Variants in AHI1 observed in about 807,000 individuals in gnomAD.
The protein encoded by AHI1 is Abelson helper integration site 1.
AHI1 carries 123 observed loss-of-function variants against 149.3 expected under a neutral mutation model. That is an observed-to-expected ratio of 0.82 (90% CI 0.71 to 0.96). The LOEUF (loss-of-function observed/expected upper bound fraction) is 0.96, where lower values mean the gene tolerates loss of function less well. Among genes scored for constraint, AHI1 ranks in the 40% least tolerant of loss-of-function variants. AHI1 has a pLI of 0.00. For synonymous variants in AHI1, 475 were observed against 459.8 expected (o/e 1.03, Z -0.42); for missense variants, 1,439 against 1,422.7 (o/e 1.01, Z -0.18).
chr6:135,352,949 T>C (rs891237847), intron 24 of AHI1, among the ~76,000 whole-genome samples: 2 of 151,796 alleles, frequency 1.3e-5, no homozygotes, highest in Non-Finnish European at 2.9e-5. Context: ...GCTGCTGTTA[T>C]ATCTTCCAGT....
intron 9 of AHI1, 93 bp from the exon 10 acceptor site, chr6:135,456,019 A>C (rs1304627322): frequency 1.3e-6 from 1 of 789,570 alleles, no homozygotes; most frequent in Non-Finnish European, 1.8e-6. Flanking sequence ...AACCAGAAAT[A>C]ATGAATAGTC....
intron 23 of AHI1, among the ~76,000 whole-genome samples, chr6:135,366,157 T>G (rs1360461360): frequency 6.6e-6 from 1 of 152,226 alleles, no homozygotes; most frequent in African/African-American, 2.4e-5. Context: ...TACATTATCT[T>G]TTTGATATGC....
chr6:135,480,063 ATC>A (rs1258819219), intron 5 of AHI1, among the ~76,000 whole-genome samples: 3 of 152,142 alleles, frequency 2.0e-5, no homozygotes, highest in South Asian at 2.1e-4. Flanking sequence ...AGGTGACTAA[ATC>A]TCTTTTTTTC....
chr6:135,488,211 T>G (rs1794751884), intron 5 of AHI1, among the ~76,000 whole-genome samples: 1 of 152,226 alleles, frequency 6.6e-6, no homozygotes, highest in Admixed American at 6.5e-5. Context: ...ACTCATCTCT[T>G]CAGAAATCTC....
At chr6:135,474,979 T>C (rs1398158328) in intron 5 of AHI1, among the ~76,000 whole-genome samples, 2 of 152,254 alleles carry the variant, frequency 1.3e-5, no homozygotes, top group African/African-American at 4.8e-5. Flanking sequence ...CTGTATAGAA[T>C]TGGCATTATT....
chr6:135,303,491 C>A (rs1784146500), intron 26 of AHI1, among the ~76,000 whole-genome samples: 1 of 151,008 alleles, frequency 6.6e-6, no homozygotes, highest in Non-Finnish European at 1.5e-5. Flanking sequence ...TGGTTCAATT[C>A]TTGTCTTGGT....
chr6:135,442,431 A>G, intron 14 of AHI1, 151 bp downstream of exon 14: 2 of 815,932 alleles, frequency 2.5e-6, no homozygotes, highest in South Asian at 8.4e-5. Flanking sequence ...AAATTATTAC[A>G]AAAGAACTTT....
intron 20 of AHI1, among the ~76,000 whole-genome samples, chr6:135,425,395 G>A (rs1783783153): frequency 6.6e-6 from 1 of 151,788 alleles, no homozygotes; most frequent in Admixed American, 6.6e-5. Flanking sequence ...GAGTAAAAGA[G>A]AGGAGAAAAA....
chr6:135,376,447 CA>C (rs1179422208), intron 23 of AHI1, among the ~76,000 whole-genome samples: 1 of 152,166 alleles, frequency 6.6e-6, no homozygotes, highest in East Asian at 1.9e-4. Flanking sequence ...AAAAGTGGGA[CA>C]AGCTGACATG....
chr6:135,446,954 T>C, intron 13 of AHI1, 54 bp downstream of exon 13: 1 of 1,532,924 alleles, frequency 6.5e-7, no homozygotes, highest in Non-Finnish European at 8.8e-7. Flanking sequence ...TTATTGGAGT[T>C]TTTAAGGTAA....
At chr6:135,359,664 T>C (rs917801152) in intron 23 of AHI1, among the ~76,000 whole-genome samples, 9 of 152,196 alleles carry the variant, frequency 5.9e-5, no homozygotes, top group African/African-American at 2.2e-4. Context: ...GCATGGCAAC[T>C]GGCTTTCAAA....
At chr6:135,405,550 T>A (rs1780637747) in intron 21 of AHI1, among the ~76,000 whole-genome samples, 1 of 151,996 alleles carries the variant, frequency 6.6e-6, no homozygotes, top group Non-Finnish European at 1.5e-5. Context: ...AATCTGCTGC[T>A]AAGGAGAGAG....
At chr6:135,458,309 A>C (rs1216641971) in intron 8 of AHI1, among the ~76,000 whole-genome samples, 2 of 152,178 alleles carry the variant, frequency 1.3e-5, no homozygotes, top group African/African-American at 4.8e-5. Flanking sequence ...GCAGAAAGTC[A>C]CTGCCAGGAG....
intron 5 of AHI1, among the ~76,000 whole-genome samples, chr6:135,480,854 T>C (rs186226836): frequency 2.0e-5 from 3 of 152,304 alleles, no homozygotes; most frequent in Admixed American, 2.0e-4. Context: ...CAGCATTAGA[T>C]TCTCATAGGA....
chr6:135,376,626 A>G (rs575009841), intron 23 of AHI1, among the ~76,000 whole-genome samples: 6 of 152,158 alleles, frequency 3.9e-5, no homozygotes, highest in East Asian at 1.9e-4. Flanking sequence ...GCTCACGCCT[A>G]TAATCCCAGC....
chr6:135,471,351 T>C (rs1445717103), intron 5 of AHI1, among the ~76,000 whole-genome samples: 1 of 152,180 alleles, frequency 6.6e-6, no homozygotes, highest in African/African-American at 2.4e-5. Flanking sequence ...GTTTCCAGAG[T>C]ATCTTCAGTA....
At chr6:135,419,036 T>C (rs947419646) in intron 20 of AHI1, among the ~76,000 whole-genome samples, 1 of 151,906 alleles carries the variant, frequency 6.6e-6, no homozygotes, top group Non-Finnish European at 1.5e-5. Flanking sequence ...AGAAGTTCTA[T>C]AGACTTAACA....
rs2128367889 is a variant in AHI1, at chr6:135,312,603, G to A, written c.3426+5916C>T. On this transcript the variant is annotated intron_variant, in intron 26 of 28. Transcript: ENST00000265602. ...AACAAACCAAAAAACAACCAGGGAT[G>A]TAAAAAACCAGTGTGATACAGAACC... Among the ~76,000 whole-genome samples the A allele has an allele frequency of 1.3e-5, 2 of 152,286 alleles. 1 individual carries two copies. The highest frequency in any genetic ancestry group is 4.1e-4 in the South Asian group (2 of 4,824).
chr6:135,378,487 C>T (rs943590205), intron 23 of AHI1, among the ~76,000 whole-genome samples: 1 of 152,192 alleles, frequency 6.6e-6, no homozygotes, highest in Non-Finnish European at 1.5e-5. Flanking sequence ...CAAATCGTAT[C>T]GTTTGTGACA....
Sources: gnomAD v4.1 joint callset for allele counts (sites outside exome capture counted in the v4.1 genomes callset) on GRCh38, gnomAD v4.1.1 for gene constraint, MANE v1.5 for transcripts, NCBI Gene and HGNC (gene_info 2026-07-23, HGNC 2026-07-21) for gene names.